SDCCAG8: variants seen among roughly 807,000 people sequenced by gnomAD.
SDCCAG8 encodes the protein serologically defined colon cancer antigen 8.
A neutral mutation model predicts 101.8 loss-of-function variants in SDCCAG8; 74 were observed. The ratio of observed to expected loss-of-function variants is 0.73; its 90% confidence interval spans 0.60 to 0.88. SDCCAG8 has a LOEUF of 0.88. Among genes scored for constraint, SDCCAG8 ranks in the 40% least tolerant of loss-of-function variants. The probability of loss-of-function intolerance (pLI) is 0.00; values close to 1 mark genes in which losing one functional copy is unlikely to be tolerated. For missense variants in SDCCAG8, 787 were observed against 822.6 expected (o/e 0.96, Z 0.53); for synonymous variants, 281 against 292.9 (o/e 0.96, Z 0.41).
chr1:243,381,679 T>G lies in SDCCAG8; in HGVS notation c.1616+2816T>G, dbSNP rs188179419. Among the ~76,000 whole-genome samples the G allele has an allele frequency of 1.2e-4, 18 of 152,312 alleles. No homozygotes were observed. In the East Asian group the frequency reaches 3.5e-3, roughly 29 times the overall value. ...ATTCACTTAGTCAACAAATATTTAC[T>G]GAGCACCTACTATGTTTTAAGTACT... On this transcript the variant is annotated intron_variant, in intron 13 of 17. Transcript: ENST00000366541.
intron 4 of SDCCAG8, among the ~76,000 whole-genome samples, chr1:243,285,248 C>T (rs1317966575): frequency 6.6e-6 from 1 of 152,200 alleles, no homozygotes; most frequent in East Asian, 1.9e-4. Flanking sequence ...TTTAGATTTT[C>T]TACCTCCTAC....
intron 12 of SDCCAG8, among the ~76,000 whole-genome samples, chr1:243,350,089 A>T (rs1228021299): frequency 6.6e-6 from 1 of 152,246 alleles, no homozygotes; most frequent in Non-Finnish European, 1.5e-5. Context: ...GTAAGGACAC[A>T]GGAATTATCG....
intron 12 of SDCCAG8, among the ~76,000 whole-genome samples, chr1:243,360,980 G>A (rs1355133202): frequency 6.6e-6 from 1 of 152,136 alleles, no homozygotes; most frequent in African/African-American, 2.4e-5. Context: ...CCTACAACTG[G>A]GCAGTGAATA....
Position 243,500,012 on chromosome 1 carries a change from G to A in SDCCAG8, c.*227G>A. 1 of 584,872 alleles carries A rather than the reference G, an allele frequency of 1.7e-6. No individual in the cohort carries two copies. Among genetic ancestry groups the A allele is most frequent in the East Asian group, 2.8e-5 (1 of 36,020 alleles). The allele number at this position is 584,872 out of a possible 1,614,324, so 36.2% of individuals were successfully genotyped here. On this transcript the variant is annotated 3_prime_UTR_variant, in exon 18 of 18. Coordinates refer to ENST00000366541, the MANE Select transcript of SDCCAG8 (RefSeq NM_006642.5). ...CTCCTGGTGTATGTTTTCAGAAATG[G>A]CTTGAAGTTATGTGTTTAAATCTGC...
At chr1:243,399,046 A>T (rs2079202435) in intron 13 of SDCCAG8, among the ~76,000 whole-genome samples, 1 of 152,246 alleles carries the variant, frequency 6.6e-6, no homozygotes, top group Non-Finnish European at 1.5e-5. Flanking sequence ...ATGTAATTAC[A>T]TATACACATA....
In SDCCAG8 at chr1:243,499,846, A is replaced by AGACTT. The variant is rs368945100; in HGVS notation, c.*62_*66dup. ...AGAGATATTTACATTCATCTGGTTT[A>AGACTT]GACTTAATATGCCACAACGCACCAC... On this transcript the variant is annotated 3_prime_UTR_variant, in exon 18 of 18. Coordinates refer to ENST00000366541, the MANE Select transcript of SDCCAG8 (RefSeq NM_006642.5). 703 of 1,527,422 alleles carry AGACTT rather than the reference A, an allele frequency of 4.6e-4. 4 individuals are homozygous for AGACTT. The African/African-American group carries it at 9.1e-3, about 20-fold the overall frequency. The allele number at this position is 1,527,422 out of a possible 1,614,324, so 94.6% of individuals were successfully genotyped here.
intron 12 of SDCCAG8, among the ~76,000 whole-genome samples, chr1:243,363,193 C>G (rs1037365410): frequency 1.3e-5 from 2 of 152,202 alleles, no homozygotes; most frequent in Non-Finnish European, 2.9e-5. Context: ...GTTCTGTCTT[C>G]CATGTGATTT....
intron 6 of SDCCAG8, among the ~76,000 whole-genome samples, chr1:243,294,533 C>T (rs1275163890): frequency 6.2e-5 from 1 of 16,050 alleles, no homozygotes; most frequent in African/African-American, 1.2e-4. Context: ...GAGAACAACC[C>T]ACCTCTCCCA....
At chr1:243,444,906 T>G (rs1055274525) in intron 16 of SDCCAG8, among the ~76,000 whole-genome samples, 1 of 152,206 alleles carries the variant, frequency 6.6e-6, no homozygotes, top group African/African-American at 2.4e-5. Flanking sequence ...GCATGGACAT[T>G]TAAGATATAA....
Position 243,416,231 on chromosome 1 carries a change from T to A in SDCCAG8, c.1744+402T>A, listed in dbSNP as rs2080577083. 6.6e-6 allele frequency among the ~76,000 whole-genome samples: 1 copy of A among 152,006 alleles called. No individual in the cohort carries two copies. The highest frequency in any genetic ancestry group is 6.6e-5 in the Admixed American group (1 of 15,262). The stretch of plus-strand genomic sequence containing the variant: ...AAATGCTCTGAGCTTACAGTTAGAG[T>A]CTCCTGAATAGCATTGAACAGTTCC... On this transcript the variant is annotated intron_variant, in intron 14 of 17. Transcript: ENST00000366541. This position sits in a 1 kb window ranked among gnomAD's most constrained non-coding sequence, Gnocchi z 4.3.
chr1:243,334,276 T>A (rs2074840714), intron 10 of SDCCAG8, among the ~76,000 whole-genome samples: 1 of 152,190 alleles, frequency 6.6e-6, no homozygotes, highest in Admixed American at 6.5e-5. Context: ...GCTGGGATGA[T>A]CTTTCTCAAT....
At chr1:243,294,438 G>A (rs1035763331) in intron 6 of SDCCAG8, among the ~76,000 whole-genome samples, 2 of 140,232 alleles carry the variant, frequency 1.4e-5, no homozygotes, top group Non-Finnish European at 3.1e-5. Context: ...AATTCCAGGA[G>A]CTGAAAACAA....
chr1:243,487,802 T>C (rs1375124902), intron 16 of SDCCAG8: 1 of 152,194 alleles, frequency 6.6e-6, no homozygotes, highest in African/African-American at 2.4e-5. Flanking sequence ...AGGCTGCTGC[T>C]CCCGCCTCCC....
At chr1:243,295,386 C>T (rs1352668096) in intron 6 of SDCCAG8, among the ~76,000 whole-genome samples, 4 of 152,152 alleles carry the variant, frequency 2.6e-5, no homozygotes, top group South Asian at 2.1e-4. Flanking sequence ...TACAGGTGTG[C>T]GCCACCATGC....
intron 13 of SDCCAG8, among the ~76,000 whole-genome samples, chr1:243,383,818 A>C (rs2078101645): frequency 6.6e-6 from 1 of 152,154 alleles, no homozygotes; most frequent in Non-Finnish European, 1.5e-5. Flanking sequence ...GTCTTATTTC[A>C]TCTAAGATGA....
intron 16 of SDCCAG8, among the ~76,000 whole-genome samples, chr1:243,447,495 A>AGT (rs1467059737): frequency 6.6e-6 from 1 of 151,836 alleles, no homozygotes; most frequent in East Asian, 1.9e-4. Flanking sequence ...TGGTGATTAT[A>AGT]GTGTGTGTGT....
intron 16 of SDCCAG8, among the ~76,000 whole-genome samples, chr1:243,459,566 G>C (rs918679192): frequency 5.3e-5 from 8 of 152,210 alleles, no homozygotes; most frequent in African/African-American, 1.9e-4. Flanking sequence ...CCTTTTGGAA[G>C]AGTGGGAATG....
Position 243,499,944 on chromosome 1 carries a change from C to G in SDCCAG8, c.*159C>G. 5.7e-6 allele frequency: 4 copies of G among 696,570 alleles called. No individual in the cohort carries two copies. Among genetic ancestry groups the G allele is most frequent in the Non-Finnish European group, 1.0e-5 (4 of 386,306 alleles). The allele number at this position is 696,570 out of a possible 1,614,324, so 43.1% of individuals were successfully genotyped here. On this transcript the variant is annotated 3_prime_UTR_variant, in exon 18 of 18. Transcript: ENST00000366541. ...CATCAACGCGGGCGCTGTCCCCGCA[C>G]GCAGTCGGGCTGGAGCTGGAGTCTG...
intron 8 of SDCCAG8, 115 bp from the exon 9 acceptor site, chr1:243,316,640 C>T (rs1182261684): frequency 7.9e-7 from 1 of 1,269,460 alleles, no homozygotes; most frequent in East Asian, 2.5e-5. Context: ...TTCATATGTG[C>T]TCAGCCGGCC....
Sources: gnomAD v4.1 joint callset for allele counts (sites outside exome capture counted in the v4.1 genomes callset) on GRCh38, gnomAD v4.1.1 for gene constraint, Gnocchi (gnomAD v3.1) non-coding constraint, MANE v1.5 for transcripts, NCBI Gene and HGNC (gene_info 2026-07-23, HGNC 2026-07-21) for gene names.